Variants in CLCN3 observed in about 807,000 individuals in gnomAD.
The protein encoded by CLCN3 is H(+)/Cl(-) exchange transporter 3.
In CLCN3, 16 loss-of-function variants were observed where a neutral mutation model predicts 83.4. The observed-to-expected ratio is 0.19, with a 90% CI of 0.13 to 0.29. The LOEUF is 0.29. CLCN3 is among the 10% of genes least tolerant of loss of function. The pLI is 1.00. For synonymous variants in CLCN3, 322 were observed against 346.2 expected (o/e 0.93, Z 0.78); for missense variants, 544 against 1,006.0 (o/e 0.54, Z 6.21).
rs1581286514 is a variant in CLCN3, at chr4:169,713,172, C to A, written c.2243C>A (p.Pro748Gln). 1 of 1,614,114 alleles carries A rather than the reference C, an allele frequency of 6.2e-7. No homozygotes were observed. The highest frequency in any genetic ancestry group is 2.2e-5 in the East Asian group (1 of 44,878). Residue 748 changes from proline to glutamine, a missense_variant, in exon 12 of 13, where the codon CCA becomes CAA. Coordinates refer to ENST00000513761, the MANE Select transcript of CLCN3 (RefSeq NM_001829.4). The part of the protein sequence containing the change: ...TPSLPAESPR[P>Q]LKLRSILDMS... ...TCTCTTCCAGCAGAAAGTCCTCGGCCATTGAAGCTTCGAAGCATTCTTGAC... is the reference window on the plus strand; with the variant it reads ...TCTCTTCCAGCAGAAAGTCCTCGGCAATTGAAGCTTCGAAGCATTCTTGAC...
chr4:169,645,620 A>G (rs1423588043), intron 2 of CLCN3, among the ~76,000 whole-genome samples: 1 of 152,182 alleles, frequency 6.6e-6, no homozygotes, highest in Non-Finnish European at 1.5e-5. Context: ...CTTCTGTTGT[A>G]CTATTGCCCT....
At chr4:169,678,390 A>G (rs1183938109) in intron 2 of CLCN3, among the ~76,000 whole-genome samples, 1 of 151,904 alleles carries the variant, frequency 6.6e-6, no homozygotes, top group Non-Finnish European at 1.5e-5. Context: ...TCTAATTGCA[A>G]TGATTTCAAG....
intron 3 of CLCN3, among the ~76,000 whole-genome samples, chr4:169,687,116 A>G (rs1473820864): frequency 6.6e-6 from 1 of 152,242 alleles, no homozygotes; most frequent in Non-Finnish European, 1.5e-5. Flanking sequence ...CTTAACTGCT[A>G]GGACCAGAGA....
intron 1 of CLCN3, among the ~76,000 whole-genome samples, chr4:169,630,594 G>A (rs553302730): frequency 4.0e-4 from 60 of 151,806 alleles, no homozygotes; most frequent in Non-Finnish European, 7.1e-4. Flanking sequence ...GCAGTGGCAC[G>A]ATCTTGGCTC....
At chr4:169,648,583 G>A (rs562401482) in intron 2 of CLCN3, among the ~76,000 whole-genome samples, 7 of 152,100 alleles carry the variant, frequency 4.6e-5, no homozygotes, top group Non-Finnish European at 1.0e-4. Flanking sequence ...CTCCTTTGTG[G>A]ACCAGACATC....
intron 4 of CLCN3, among the ~76,000 whole-genome samples, chr4:169,688,317 A>G (rs1581251770): frequency 1.3e-5 from 2 of 152,366 alleles, no homozygotes; most frequent in Non-Finnish European, 1.5e-5. Flanking sequence ...CAGCGTGGCC[A>G]CAAAGTCCCA....
intron 2 of CLCN3, among the ~76,000 whole-genome samples, chr4:169,640,868 A>G (rs547273791): frequency 6.6e-6 from 1 of 152,364 alleles, no homozygotes; most frequent in South Asian, 2.1e-4. Flanking sequence ...ATGTTTAAGC[A>G]AATTAACTTT....
intron 11 of CLCN3, 72 bp from the exon 12 acceptor site, chr4:169,713,007 C>T (rs1733280794): frequency 1.8e-6 from 2 of 1,087,658 alleles, no homozygotes; most frequent in East Asian, 5.0e-5. Flanking sequence ...TTTTTTTTAT[C>T]TCTGAATAAA....
At chr4:169,702,868 C>T in intron 9 of CLCN3, 1 of 243,066 alleles carries the variant, frequency 4.1e-6, no homozygotes, top group South Asian at 4.7e-5. Flanking sequence ...GGATCACGCC[C>T]AGCCAAGAGA....
chr4:169,657,019 T>C (rs924480806), intron 2 of CLCN3, among the ~76,000 whole-genome samples: 2 of 152,210 alleles, frequency 1.3e-5, no homozygotes, highest in African/African-American at 2.4e-5. Context: ...AGAAGAATAT[T>C]GTGTACCTTT....
chr4:169,691,761 ATAT>A (rs1290356676), intron 6 of CLCN3, among the ~76,000 whole-genome samples: 8 of 152,146 alleles, frequency 5.3e-5, no homozygotes, highest in South Asian at 2.1e-4. Context: ...TATATTTAAA[ATAT>A]TATGCTTATT....
chr4:169,682,282 ACT>A (rs1421217715), intron 3 of CLCN3, among the ~76,000 whole-genome samples: 2 of 152,172 alleles, frequency 1.3e-5, no homozygotes, highest in African/African-American at 4.8e-5. Flanking sequence ...TTCAGAAAAG[ACT>A]CTAAGTATTG....
At chr4:169,624,940 C>T (rs1018197262) in intron 1 of CLCN3, among the ~76,000 whole-genome samples, 4 of 151,872 alleles carry the variant, frequency 2.6e-5, no homozygotes, top group Non-Finnish European at 5.9e-5. Context: ...TACAGGTGCC[C>T]GCCACCATGC....
intron 5 of CLCN3, among the ~76,000 whole-genome samples, chr4:169,689,724 A>G (rs11940982): frequency 0.12 from 17,620 of 152,276 alleles, 1,126 homozygotes; most frequent in East Asian, 0.17. Context: ...TGTTACATGT[A>G]TATTTTTTAC....
chr4:169,666,074 A>C (rs1161852445), intron 2 of CLCN3, among the ~76,000 whole-genome samples: 1 of 152,010 alleles, frequency 6.6e-6, no homozygotes, highest in African/African-American at 2.4e-5. Context: ...CAATTTTATT[A>C]ATGCCTATAT....
rs963442349 is a variant in CLCN3, at chr4:169,721,227, T to C, written c.*1230T>C. 3 of 152,214 alleles carry C rather than the reference T, an allele frequency of 2.0e-5. No individual in the cohort carries two copies. The highest frequency in any genetic ancestry group is 4.1e-4 in the South Asian group (2 of 4,834). 9.4% of individuals were successfully genotyped at this position (152,214 alleles called of 1,614,324 possible). On this transcript the variant is annotated 3_prime_UTR_variant, in exon 13 of 13. Transcript: ENST00000513761. ...TTTATAAAATACAGATCAGTTAATA[T>C]TGCACTTAAGTAATTTTACCTTTTT... is the stretch of plus-strand genomic sequence containing the variant.
chr4:169,704,214 A>T (rs900381691), intron 10 of CLCN3, 30 bp downstream of exon 10: 27 of 1,590,074 alleles, frequency 1.7e-5, no homozygotes, highest in Non-Finnish European at 2.2e-5. Flanking sequence ...CTGTGTGTGG[A>T]TGTTTGCAAG....
chr4:169,676,342 T>G (rs1359299681), intron 2 of CLCN3, among the ~76,000 whole-genome samples: 4 of 152,200 alleles, frequency 2.6e-5, no homozygotes, highest in African/African-American at 9.6e-5. Context: ...TTTGTGCACT[T>G]GTAGAATTAA....
intron 6 of CLCN3, among the ~76,000 whole-genome samples, 155 bp downstream of exon 6, chr4:169,690,807 C>T (rs902652016): frequency 2.0e-5 from 3 of 151,972 alleles, no homozygotes; most frequent in African/African-American, 7.2e-5. Flanking sequence ...TGGTAGACAT[C>T]ATTGAAAAAT....
Sources: allele counts gnomAD v4.1 joint callset (sites outside exome capture counted in the v4.1 genomes callset), GRCh38; gene constraint gnomAD v4.1.1; transcripts MANE v1.5; gene names NCBI Gene and HGNC (gene_info 2026-07-23, HGNC 2026-07-21).